Variants in SMAD6 observed in about 807,000 individuals in gnomAD.
SMAD6 encodes the protein MAD homolog 6.
SMAD6 carries 103 observed loss-of-function variants against 39.4 expected under a neutral mutation model. That is an observed-to-expected ratio of 2.62 (90% CI 2.23 to 3.08). The LOEUF (loss-of-function observed/expected upper bound fraction) is 3.08, where lower values mean the gene tolerates loss of function less well. SMAD6 is among the 30% of genes most tolerant of loss of function. The pLI, the probability that SMAD6 is intolerant of heterozygous loss-of-function variation, is 0.00. For missense variants in SMAD6, 1,104 were observed against 742.9 expected, an observed-to-expected ratio of 1.49 and a Z score of -5.65; for synonymous variants, 445 against 353.3, an observed-to-expected ratio of 1.26 and a Z score of -2.91.
At chr15:66,726,136 C>T (rs930236791) in intron 3 of SMAD6, among the ~76,000 whole-genome samples, 1 of 152,204 alleles carries the variant, frequency 6.6e-6, no homozygotes, top group African/African-American at 2.4e-5. Flanking sequence ...TTCTCTGCAC[C>T]TGCCCCCCAC....
chr15:66,746,364 C>T (rs183576247), intron 3 of SMAD6, among the ~76,000 whole-genome samples: 38 of 152,190 alleles, frequency 2.5e-4, no homozygotes, highest in Admixed American at 2.2e-3. Flanking sequence ...TGGGCTGGGA[C>T]GTGTGGTTTA....
At position 66,734,029 on chromosome 15, in the gene SMAD6, C is replaced by T. The variant is rs564932278; in HGVS notation, c.952+17531C>T. On this transcript the variant is annotated intron_variant, in intron 3 of 3. Transcript: ENST00000288840. ...CTGTGCCCGAGCTGGGGTCCTGCAC[C>T]CTGATTTGGACTGGGAAAGGCAACC... Among the ~76,000 whole-genome samples the T allele has an allele frequency of 2.0e-5, 3 of 152,260 alleles. No individual in the cohort carries two copies. The East Asian group carries it at 5.8e-4, about 29-fold the overall frequency.
intron 3 of SMAD6, among the ~76,000 whole-genome samples, chr15:66,762,921 T>C (rs1275812288): frequency 6.6e-6 from 1 of 151,554 alleles, no homozygotes; most frequent in African/African-American, 2.4e-5. Context: ...GAAAAAGGAG[T>C]TCACCAATAT....
intron 1 of SMAD6, chr15:66,708,719 C>G (rs991761074): frequency 2.1e-6 from 1 of 471,652 alleles, no homozygotes; most frequent in Non-Finnish European, 4.4e-6. Context: ...CCAGAATGGG[C>G]AAACCCATAG....
At chr15:66,708,589 T>C in intron 1 of SMAD6, 1 of 396,100 alleles carries the variant, frequency 2.5e-6, no homozygotes, top group Non-Finnish European at 5.4e-6. Flanking sequence ...CATTCACCCA[T>C]GAAAAAGAAC....
chr15:66,703,632 C>T lies in SMAD6; in HGVS notation c.374C>T (p.Thr125Ile), dbSNP rs759468399. Reference protein sequence around the residue: ...WLPESDCETVTCCLFSERDAA... With the variant: ...WLPESDCETVICCLFSERDAA... ...CCCGAGAGTGACTGCGAGACGGTGA[C>T]CTGCTGTCTCTTTTCGGAGCGGGAC... The change falls in exon 1 of 4, where the codon ACC becomes ATC. Residue 125 changes from threonine (T) to isoleucine (I), a missense_variant. Coordinates refer to ENST00000288840, the MANE Select transcript of SMAD6 (RefSeq NM_005585.5). 6.1e-5 allele frequency: 75 copies of T among 1,232,590 alleles called. No individual in the cohort carries two copies. Among genetic ancestry groups the T allele is most frequent in the Middle Eastern group, 3.1e-4 (1 of 3,252 alleles). The allele number at this position is 1,232,590 out of a possible 1,614,324, so 76.4% of individuals were successfully genotyped here.
At chr15:66,754,853 C>T (rs1302637881) in intron 3 of SMAD6, among the ~76,000 whole-genome samples, 6 of 152,110 alleles carry the variant, frequency 3.9e-5, no homozygotes, top group Admixed American at 3.9e-4. Flanking sequence ...GCAGAGGTAG[C>T]AGAGGGGTGC....
intron 3 of SMAD6, among the ~76,000 whole-genome samples, chr15:66,771,097 G>A (rs1403526093): frequency 1.3e-5 from 2 of 152,198 alleles, no homozygotes; most frequent in Admixed American, 6.5e-5. Flanking sequence ...GGTGGGAGAC[G>A]ATCTCTTTGG....
At chr15:66,734,277 G>A (rs1185122145) in intron 3 of SMAD6, among the ~76,000 whole-genome samples, 1 of 152,222 alleles carries the variant, frequency 6.6e-6, no homozygotes, top group Admixed American at 6.5e-5. Flanking sequence ...GAGTTTAAAG[G>A]CCTTTGTAAC....
intron 3 of SMAD6, among the ~76,000 whole-genome samples, chr15:66,776,911 C>A (rs1019788846): frequency 6.6e-6 from 1 of 151,768 alleles, no homozygotes; most frequent in Non-Finnish European, 1.5e-5. Context: ...GTGGTGTGTG[C>A]CTCTAATGCC....
At chr15:66,754,884 G>A (rs1287264765) in intron 3 of SMAD6, among the ~76,000 whole-genome samples, 1 of 152,132 alleles carries the variant, frequency 6.6e-6, no homozygotes. Flanking sequence ...GAGGCTGTGT[G>A]GGCTGGGGGT....
intron 3 of SMAD6, among the ~76,000 whole-genome samples, chr15:66,760,437 A>G (rs1894178332): frequency 6.6e-6 from 1 of 152,082 alleles, no homozygotes; most frequent in African/African-American, 2.4e-5. Context: ...AATTAAGAAC[A>G]TCTATGTTGT....
Position 66,721,184 on chromosome 15 carries a change from C to A in SMAD6, c.952+4686C>A, listed in dbSNP as rs924843349. ...CATACAGCAAGCAGAGCAGCGTGGA[C>A]CCACCTAGGGTTGCAACCCAAGGTG... is the stretch of plus-strand genomic sequence containing the variant. On this transcript the variant is annotated intron_variant, in intron 3 of 3. Coordinates refer to ENST00000288840, the MANE Select transcript of SMAD6 (RefSeq NM_005585.5). Among the ~76,000 whole-genome samples the A allele has an allele frequency of 1.7e-4, 26 of 151,992 alleles. 1 individual carries two copies. The highest frequency in any genetic ancestry group is 1.5e-3 in the Admixed American group (23 of 15,284).
Position 66,781,720 on chromosome 15 carries a change from C to A in SMAD6, c.*185C>A. 2.4e-6 allele frequency: 1 copy of A among 416,608 alleles called. No homozygotes were observed. Among genetic ancestry groups the A allele is most frequent in the South Asian group, 1.1e-4 (1 of 9,510 alleles). The allele number at this position is 416,608 out of a possible 1,614,324, so 25.8% of individuals were successfully genotyped here. On this transcript the variant is annotated 3_prime_UTR_variant, in exon 4 of 4. Transcript: ENST00000288840. ...TATATTATACTTGTAATTATGGAGTCATTTTTACAATGTAATTATTTATGT... is the reference window on the plus strand; with the variant it reads ...TATATTATACTTGTAATTATGGAGTAATTTTTACAATGTAATTATTTATGT...
intron 1 of SMAD6, 100 bp downstream of exon 1, chr15:66,704,175 G>A (rs565969878): frequency 2.0e-6 from 2 of 997,052 alleles, no homozygotes; most frequent in East Asian, 3.3e-5. Context: ...AGCTGCGGGT[G>A]CTCCCCCGGG....
chr15:66,703,940 C>G lies in SMAD6; in HGVS notation c.682C>G (p.Arg228Gly). 3 of 1,382,564 alleles carry G rather than the reference C, an allele frequency of 2.2e-6. No individual in the cohort carries two copies. The highest frequency in any genetic ancestry group is 2.8e-6 in the Non-Finnish European group (3 of 1,066,350). 85.6% of individuals were successfully genotyped at this position (1,382,564 alleles called of 1,614,324 possible). A position where few individuals can be genotyped will look rare whatever the true frequency, so the allele number is the denominator to read the frequency against. Residue 228 changes from arginine to glycine, a missense_variant, in exon 1 of 4, where the codon CGC becomes GGC. Physicochemically the swap from Arg to Gly is moderately radical, Grantham distance 125. Coordinates refer to ENST00000288840, the MANE Select transcript of SMAD6 (RefSeq NM_005585.5). ...CGCGCCGCCGCAGCTGCTGCTCGGC[C>G]GCCTCTTTCGCTGGCCCGACCTGCA... ...QPAPPQLLLG[R>G]LFRWPDLQHA...
intron 3 of SMAD6, among the ~76,000 whole-genome samples, chr15:66,728,247 A>C (rs1406455322): frequency 1.3e-5 from 2 of 151,356 alleles, no homozygotes; most frequent in Non-Finnish European, 2.9e-5. Context: ...GCCACTCCTC[A>C]CTCCCCAAGT....
chr15:66,703,127 C>G lies in SMAD6; in HGVS notation c.-132C>G, dbSNP rs965313501. 7.5e-5 allele frequency: 44 copies of G among 584,698 alleles called. No individual in the cohort carries two copies. The highest frequency in any genetic ancestry group is 1.2e-4 in the Non-Finnish European group (44 of 374,118). 36.2% of individuals were successfully genotyped at this position (584,698 alleles called of 1,614,324 possible). On this transcript the variant is annotated 5_prime_UTR_variant, in exon 1 of 4. Coordinates refer to ENST00000288840, the MANE Select transcript of SMAD6 (RefSeq NM_005585.5). ...CGCCCCTTCGACGACAGGCTGTGCGCGGTCTGCACGGCGCTCCGCGGCGGA... is the reference window on the plus strand; with the variant it reads ...CGCCCCTTCGACGACAGGCTGTGCGGGGTCTGCACGGCGCTCCGCGGCGGA...
intron 3 of SMAD6, among the ~76,000 whole-genome samples, chr15:66,738,751 C>T (rs974388736): frequency 6.6e-6 from 1 of 151,998 alleles, no homozygotes; most frequent in Non-Finnish European, 1.5e-5. Flanking sequence ...GTGTCGGGGG[C>T]CAGAGAGCGG....
Sources: allele counts gnomAD v4.1 joint callset (sites outside exome capture counted in the v4.1 genomes callset), GRCh38; gene constraint gnomAD v4.1.1; transcripts MANE v1.5; gene names NCBI Gene and HGNC (gene_info 2026-07-23, HGNC 2026-07-21).